GLG1: variants seen among roughly 807,000 people sequenced by gnomAD.
The protein encoded by GLG1 is golgi glycoprotein 1.
GLG1 carries 38 observed loss-of-function variants against 160.5 expected under a neutral mutation model. That is an observed-to-expected ratio of 0.24 (90% CI 0.18 to 0.31). The LOEUF is 0.31. Ranked by LOEUF, GLG1 falls within the 10% of genes least tolerant of loss-of-function variation. The pLI is 1.00. For missense variants in GLG1, 1,373 were observed against 1,505.2 expected (o/e 0.91, Z 1.45); for synonymous variants, 644 against 543.4 (o/e 1.19, Z -2.57).
At chr16:74,459,612 C>T (rs1372688461) in intron 23 of GLG1, 70 bp downstream of exon 23, 6 of 779,910 alleles carry the variant, frequency 7.7e-6, no homozygotes, top group African/African-American at 5.5e-5. Context: ...AGGCAGACTA[C>T]AGCATTAAAA....
chr16:74,505,189 C>G (rs948477130), intron 3 of GLG1, among the ~76,000 whole-genome samples: 2 of 152,194 alleles, frequency 1.3e-5, no homozygotes, highest in African/African-American at 4.8e-5. Context: ...AAGGACACAC[C>G]ACCGAGGAAT....
rs532418200 is a variant in GLG1, at chr16:74,492,639, T to C, written c.1234+318A>G. 4.8e-4 allele frequency among the ~76,000 whole-genome samples: 72 copies of C among 151,196 alleles called. 1 individual carries two copies. In the South Asian group the frequency reaches 0.015, roughly 31 times the overall value. On this transcript the variant is annotated intron_variant, in intron 7 of 25. Coordinates refer to ENST00000422840, the MANE Select transcript of GLG1 (RefSeq NM_001145667.2). The stretch of plus-strand genomic sequence containing the variant: ...TTCGAGACCAGCCTGACCAACATGG[T>C]GAAACCCCATCTCTACTAAAAATAC...
At chr16:74,516,235 A>T (rs1160989444) in intron 2 of GLG1, among the ~76,000 whole-genome samples, 3 of 151,754 alleles carry the variant, frequency 2.0e-5, no homozygotes, top group African/African-American at 2.4e-5. Context: ...TCTCCACCCC[A>T]GATCAACAGA....
intron 13 of GLG1, chr16:74,474,203 C>T (rs1230392671): frequency 2.2e-5 from 4 of 177,830 alleles, no homozygotes; most frequent in South Asian, 1.6e-4. Flanking sequence ...CCGCCTGCCT[C>T]GGCCTCTCAA....
At chr16:74,555,750 G>A (rs1451851770) in intron 1 of GLG1, among the ~76,000 whole-genome samples, 2 of 151,548 alleles carry the variant, frequency 1.3e-5, no homozygotes, top group Non-Finnish European at 2.9e-5. Context: ...GGAACAATTA[G>A]CCTAAGATTT....
intron 1 of GLG1, among the ~76,000 whole-genome samples, chr16:74,560,112 G>T (rs74372697): frequency 0.013 from 2,008 of 152,210 alleles, 31 homozygotes; most frequent in African/African-American, 0.046. Flanking sequence ...GCCAAACATT[G>T]TTCTGGGTGG....
chr16:74,528,079 G>C (rs1472130301), intron 2 of GLG1, among the ~76,000 whole-genome samples: 2 of 151,800 alleles, frequency 1.3e-5, no homozygotes, highest in East Asian at 3.9e-4. Flanking sequence ...TAGAGATGGG[G>C]TTTCACCGTG....
At chr16:74,498,777 A>C (rs1218328360) in intron 4 of GLG1, among the ~76,000 whole-genome samples, 1 of 137,664 alleles carries the variant, frequency 7.3e-6, no homozygotes, top group African/African-American at 2.7e-5. Context: ...AGGCGAGAGA[A>C]TTGCTTGAAT....
At chr16:74,550,857 A>G (rs181665951) in intron 1 of GLG1, among the ~76,000 whole-genome samples, 54 of 152,322 alleles carry the variant, frequency 3.5e-4, no homozygotes, top group African/African-American at 1.3e-3. Context: ...AGGGCAGTAG[A>G]TGTGAGAAGC....
At chr16:74,513,167 A>G (rs1360017997) in intron 2 of GLG1, among the ~76,000 whole-genome samples, 3 of 152,320 alleles carry the variant, frequency 2.0e-5, no homozygotes, top group African/African-American at 4.8e-5. Context: ...AAAGAACTCA[A>G]AAGATCACAT....
chr16:74,519,954 G>A (rs2017106969), intron 2 of GLG1, among the ~76,000 whole-genome samples: 1 of 152,152 alleles, frequency 6.6e-6, no homozygotes, highest in African/African-American at 2.4e-5. Context: ...TATTGACTAT[G>A]TAAAAAGTTA....
At chr16:74,533,231 G>A (rs1452304406) in intron 1 of GLG1, among the ~76,000 whole-genome samples, 1 of 152,158 alleles carries the variant, frequency 6.6e-6, no homozygotes, top group Non-Finnish European at 1.5e-5. Flanking sequence ...AGAGGCAGGA[G>A]AATCGCATGA....
In GLG1 at chr16:74,503,517, GT is replaced by G. The variant is rs758543731; in HGVS notation, c.774+13del. 1 of 1,533,552 alleles carries G rather than the reference GT, an allele frequency of 6.5e-7. No homozygotes were observed. Among genetic ancestry groups the G allele is most frequent in the Non-Finnish European group, 9.0e-7 (1 of 1,106,602 alleles). 95.0% of individuals were successfully genotyped at this position (1,533,552 alleles called of 1,614,324 possible). A position where few individuals can be genotyped will look rare whatever the true frequency, so the allele number is the denominator to read the frequency against. ...TTAAGACCCCTTTGTTGAAGCTAAC[GT>G]AGTATTAGATACCTTTTCTCCAAGC... On this transcript the variant is annotated intron_variant, in intron 4 of 25. Transcript: ENST00000422840.
At position 74,452,279 on chromosome 16, in the gene GLG1, C is replaced by G. The variant is rs1347972545; in HGVS notation, c.*888G>C. 6.8e-7 allele frequency: 1 copy of G among 1,468,026 alleles called. No homozygotes were observed. The highest frequency in any genetic ancestry group is 1.4e-5 in the African/African-American group (1 of 71,288). 90.9% of individuals were successfully genotyped at this position (1,468,026 alleles called of 1,614,324 possible). On this transcript the variant is annotated 3_prime_UTR_variant, in exon 26 of 26. Transcript: ENST00000422840. Reference sequence around the variant, plus strand: ...CAGAGTGACTGTAGCCTCAGCAGGGCCGGTCCAGACATGGCTGAGTCCTGT... The same window carrying G: ...CAGAGTGACTGTAGCCTCAGCAGGGGCGGTCCAGACATGGCTGAGTCCTGT...
rs146777426 is a variant in GLG1, at chr16:74,491,139, G to A, written c.1311C>T (p.Ser437=). ...RRMLMEDFSL[S]PEIILSCRGE... is the part of the protein sequence containing the mutation. ...CCCGACAGCTTAGGATGATCTCAGGGCTCAGAGAAAAGTCTTCCATCAACA... is the reference window on the plus strand; with the variant it reads ...CCCGACAGCTTAGGATGATCTCAGGACTCAGAGAAAAGTCTTCCATCAACA... Residue 437 remains serine (S), a synonymous_variant, in exon 8 of 26, where the codon AGC becomes AGT. Transcript: ENST00000422840. 2.9e-5 allele frequency: 47 copies of A among 1,614,008 alleles called. No individual in the cohort carries two copies. In the Middle Eastern group the frequency reaches 4.9e-4, roughly 17 times the overall value.
Position 74,462,154 on chromosome 16 carries a change from G to A in GLG1, c.2976C>T (p.Ile992=). Residue 992 remains isoleucine (I), a synonymous_variant, in exon 22 of 26, where the codon ATC becomes ATT. Transcript: ENST00000422840. ...SDCEDQIRII[I]QESALDYRLD... is the part of the protein sequence containing the mutation. ...GGCGGTAGTCCAGGGCGGACTCCTG[G>A]ATAATGATTCGGATCTGGTCTTCAC... 4 of 1,609,276 alleles carry A rather than the reference G, an allele frequency of 2.5e-6. No individual in the cohort carries two copies. Among genetic ancestry groups the A allele is most frequent in the Non-Finnish European group, 3.4e-6 (4 of 1,175,912 alleles).
rs1204072962 is a variant in GLG1 at position 74,472,360 on chromosome 16, T to C, written c.2104A>G (p.Asn702Asp). 6 of 1,611,562 alleles carry C rather than the reference T, an allele frequency of 3.7e-6. No individual in the cohort carries two copies. Among genetic ancestry groups the C allele is most frequent in the Non-Finnish European group, 5.1e-6 (6 of 1,177,736 alleles). ...CAGACATCACTTACGTGGCAGAAGT[T>C]CTGAATTATGGGCTCACAGGCTCTC... is the stretch of plus-strand genomic sequence containing the variant. ...LMRACEPIIQNFCHDVADNQI... is the reference protein window; with the variant it reads ...LMRACEPIIQDFCHDVADNQI... The change falls in exon 14 of 26, where the codon AAC becomes GAC. Residue 702 changes from asparagine to aspartate, a missense_variant. Asn to Asp is a conservative substitution (Grantham distance 23, BLOSUM62 1). Around this residue, in one of 4 missense-constraint regions of GLG1, gnomAD observed 491 missense variants for 632.1 expected, o/e 0.78. Transcript: ENST00000422840.
At chr16:74,588,326 T>C (rs760824267) in intron 1 of GLG1, among the ~76,000 whole-genome samples, 2 of 152,180 alleles carry the variant, frequency 1.3e-5, no homozygotes, top group Non-Finnish European at 2.9e-5. Context: ...TCTATGTAAA[T>C]GTGAAAAATA....
At chr16:74,465,192 C>G (rs539596873) in intron 19 of GLG1, among the ~76,000 whole-genome samples, 57 of 152,292 alleles carry the variant, frequency 3.7e-4, no homozygotes, top group African/African-American at 1.4e-3. Flanking sequence ...CATCTAGGTA[C>G]TCAGGTCAGC....
Sources: allele counts gnomAD v4.1 joint callset (sites outside exome capture counted in the v4.1 genomes callset), GRCh38; gene constraint gnomAD v4.1.1; regional missense constraint gnomAD v4.1.1; transcripts MANE v1.5; gene names NCBI Gene and HGNC (gene_info 2026-07-23, HGNC 2026-07-21).